The following PPP2R2D variants were observed in gnomAD, a reference collection of about 807,000 sequenced individuals.
The protein encoded by PPP2R2D is serine/threonine-protein phosphatase 2A 55 kDa regulatory subunit B delta isoform.
PPP2R2D carries 9 observed loss-of-function variants against 31.1 expected under a neutral mutation model. The observed-to-expected ratio is 0.29, with a 90% CI of 0.17 to 0.51. The LOEUF (loss-of-function observed/expected upper bound fraction) is 0.51. Ranked by LOEUF, PPP2R2D falls within the 20% of genes least tolerant of loss-of-function variation. The pLI is 0.98. For missense variants in PPP2R2D, 391 were observed against 465.6 expected (o/e 0.84, Z 1.48); for synonymous variants, 179 against 172.6 (o/e 1.04, Z -0.29).
In PPP2R2D at chr10:131,957,909, G is replaced by A. The variant is rs10870293; in HGVS notation, c.*1946G>A. The stretch of plus-strand genomic sequence containing the variant: ...GTGGAGATGGTGTGTGCTGATCCCC[G>A]TCCCCCTGTGGAGATGAAGGTGTGT... On this transcript the variant is annotated 3_prime_UTR_variant, in exon 9 of 9. Coordinates refer to ENST00000455566, the MANE Select transcript of PPP2R2D (RefSeq NM_018461.5). 27,268 of 97,050 alleles carry A rather than the reference G, an allele frequency of 0.28. 4,286 individuals carry two copies. The highest frequency in any genetic ancestry group is 0.49 in the East Asian group (1,361 of 2,804). The allele number at this position is 97,050 out of a possible 1,614,324, so 6.0% of individuals were successfully genotyped here. A position where few individuals can be genotyped will look rare whatever the true frequency, so the allele number is the denominator to read the frequency against.
chr10:131,937,341 C>T (rs999356917), intron 3 of PPP2R2D, among the ~76,000 whole-genome samples: 6 of 152,208 alleles, frequency 3.9e-5, no homozygotes, highest in Non-Finnish European at 7.4e-5. Context: ...TGTGGCTGTG[C>T]GGCCCACTGC....
At chr10:131,920,370 G>GTGTT (rs112407643) in intron 2 of PPP2R2D, among the ~76,000 whole-genome samples, 41,206 of 144,792 alleles carry the variant, frequency 0.28, 5,688 homozygotes, top group East Asian at 0.45. Context: ...GAATGACACA[G>GTGTT]TGTAGGGACC....
At chr10:131,946,523 T>C (rs2036544887) in intron 7 of PPP2R2D, among the ~76,000 whole-genome samples, 1 of 152,174 alleles carries the variant, frequency 6.6e-6, no homozygotes, top group Admixed American at 6.5e-5. Context: ...GTTGAGTGTG[T>C]TTTTAAGAAT....
In PPP2R2D at chr10:131,956,637, G is replaced by A; in HGVS notation, c.*674G>A. 1 of 895,918 alleles carries A rather than the reference G, an allele frequency of 1.1e-6. No individual in the cohort carries two copies. Among genetic ancestry groups the A allele is most frequent in the Non-Finnish European group, 1.3e-6 (1 of 748,328 alleles). The allele number at this position is 895,918 out of a possible 1,614,324, so 55.5% of individuals were successfully genotyped here. A position where few individuals can be genotyped will look rare whatever the true frequency, so the allele number is the denominator to read the frequency against. ...TTGGAACTAACTGTTTGAGAAATGTGTGTCCTTCTTTGGCAGCGTGGGGGT... is the reference window on the plus strand; with the variant it reads ...TTGGAACTAACTGTTTGAGAAATGTATGTCCTTCTTTGGCAGCGTGGGGGT... On this transcript the variant is annotated 3_prime_UTR_variant, in exon 9 of 9. Transcript: ENST00000455566.
At chr10:131,962,793 A>G (rs1554901661), downstream of PPP2R2D, among the ~76,000 whole-genome samples, 1 of 152,250 alleles carries the variant, frequency 6.6e-6, no homozygotes, top group Non-Finnish European at 1.5e-5. Flanking sequence ...CAGCCCAGCC[A>G]AGGCAGAGAG....
rs74162814 is a variant in PPP2R2D at position 131,950,240 on chromosome 10, C to T, written c.1082+2449C>T. Among the ~76,000 whole-genome samples, 1,237 of 152,220 alleles carry T rather than the reference C, an allele frequency of 8.1e-3. 16 individuals are homozygous for T. Among genetic ancestry groups the T allele is most frequent in the African/African-American group, 0.028 (1,145 of 41,518 alleles). On this transcript the variant is annotated intron_variant, in intron 8 of 8. Coordinates refer to ENST00000455566, the MANE Select transcript of PPP2R2D (RefSeq NM_018461.5). ...GGAGGCCAGGGTGAGGCACAGCACACGTTTAAACAAAGTTTGGGGGTGTGA... is the reference window on the plus strand; with the variant it reads ...GGAGGCCAGGGTGAGGCACAGCACATGTTTAAACAAAGTTTGGGGGTGTGA...
At chr10:131,962,745 A>AG (rs2036941269), downstream of PPP2R2D, among the ~76,000 whole-genome samples, 1 of 152,224 alleles carries the variant, frequency 6.6e-6, no homozygotes, top group Non-Finnish European at 1.5e-5. Flanking sequence ...GGCCAGGCCC[A>AG]GACCACGTGA....
chr10:131,927,399 C>T (rs1472533629), intron 2 of PPP2R2D, among the ~76,000 whole-genome samples: 1 of 151,294 alleles, frequency 6.6e-6, no homozygotes, highest in Non-Finnish European at 1.5e-5. Flanking sequence ...TCAGAGAGGG[C>T]GGGTGCGCGG....
At chr10:131,917,228 G>C (rs376330797) in intron 2 of PPP2R2D, among the ~76,000 whole-genome samples, 1 of 106,320 alleles carries the variant, frequency 9.4e-6, no homozygotes, top group Admixed American at 9.9e-5. Flanking sequence ...AGGGACCTCA[G>C]GCGGGTGGAA....
chr10:131,947,940 T>A lies in PPP2R2D; in HGVS notation c.1082+149T>A. 1.0e-6 allele frequency: 1 copy of A among 961,806 alleles called. No homozygotes were observed. Among genetic ancestry groups the A allele is most frequent in the Non-Finnish European group, 1.5e-6 (1 of 652,306 alleles). 59.6% of individuals were successfully genotyped at this position (961,806 alleles called of 1,614,324 possible). On this transcript the variant is annotated intron_variant, in intron 8 of 8. Transcript: ENST00000455566. This position sits in a 1 kb window ranked among gnomAD's most constrained non-coding sequence, Gnocchi z 4.3. ...AGACCTTTTGATTGATGGATGATAG[T>A]ATCAAGGTAGAGAAAATAGGATCTC...
intron 2 of PPP2R2D, among the ~76,000 whole-genome samples, chr10:131,925,469 C>A (rs1207229816): frequency 6.6e-6 from 1 of 152,174 alleles, no homozygotes; most frequent in African/African-American, 2.4e-5. Context: ...GTATGTTAAA[C>A]CAACCTTGCA....
chr10:131,965,663 C>T, the PPP2R2D span, among the ~76,000 whole-genome samples: 2 of 152,224 alleles, frequency 1.3e-5, no homozygotes, highest in Admixed American at 6.5e-5. Context: ...CCAGGCTGAT[C>T]GCGAACTCCT....
At chr10:131,910,817 A>G (rs1418261289) in intron 2 of PPP2R2D, among the ~76,000 whole-genome samples, 1 of 152,068 alleles carries the variant, frequency 6.6e-6, no homozygotes, top group Non-Finnish European at 1.5e-5. Flanking sequence ...CCGATCCCCA[A>G]CCTCGGGGAG....
At chr10:131,953,572 C>G (rs1456224664) in intron 8 of PPP2R2D, among the ~76,000 whole-genome samples, 1 of 129,642 alleles carries the variant, frequency 7.7e-6, no homozygotes, top group Non-Finnish European at 1.6e-5. Flanking sequence ...GTGTGGGGGT[C>G]ACTGTCTTAG....
intron 2 of PPP2R2D, among the ~76,000 whole-genome samples, chr10:131,908,860 G>A (rs2035640151): frequency 6.6e-6 from 1 of 152,166 alleles, no homozygotes; most frequent in Non-Finnish European, 1.5e-5. Flanking sequence ...GGTAATGCAG[G>A]GGCCAGCTTT....
intron 3 of PPP2R2D, chr10:131,939,676 A>G (rs1450756471): frequency 6.2e-6 from 1 of 161,240 alleles, no homozygotes; most frequent in Non-Finnish European, 1.3e-5. Context: ...AGCAGGCTAC[A>G]TTCGACAGGC....
rs892966328 is a variant in PPP2R2D, at chr10:131,907,862, G to A, written c.100+6532G>A. 1.2e-4 allele frequency among the ~76,000 whole-genome samples: 19 copies of A among 152,334 alleles called. 1 individual carries two copies. The highest frequency in any genetic ancestry group is 3.9e-4 in the Admixed American group (6 of 15,302). The stretch of plus-strand genomic sequence containing the variant: ...AGTTAAGTTTACAAGATATGTGGTG[G>A]TATTGAATCATACCTGGTGATTTTC... On this transcript the variant is annotated intron_variant, in intron 2 of 8. Coordinates refer to ENST00000455566, the MANE Select transcript of PPP2R2D (RefSeq NM_018461.5).
At chr10:131,968,441 C>T in the PPP2R2D span, 3 of 1,181,822 alleles carry the variant, frequency 2.5e-6, no homozygotes, top group Non-Finnish European at 2.5e-6. Context: ...GTGGCCACCC[C>T]AGGATCTAAC....
In PPP2R2D at chr10:131,947,382, C is replaced by A; in HGVS notation, c.821-148C>A. 1 of 815,880 alleles carries A rather than the reference C, an allele frequency of 1.2e-6. No individual in the cohort carries two copies. Among genetic ancestry groups the A allele is most frequent in the Non-Finnish European group, 1.9e-6 (1 of 534,822 alleles). 50.5% of individuals were successfully genotyped at this position (815,880 alleles called of 1,614,324 possible). Reference sequence around the variant, plus strand: ...CGGAAGTCACAGAAGATCAGAAAACCTAGAGAATCAGAAAGATCAGAAGAC... The same window carrying A: ...CGGAAGTCACAGAAGATCAGAAAACATAGAGAATCAGAAAGATCAGAAGAC... On this transcript the variant is annotated intron_variant, in intron 7 of 8. Coordinates refer to ENST00000455566, the MANE Select transcript of PPP2R2D (RefSeq NM_018461.5). This position sits in a 1 kb window ranked among gnomAD's most constrained non-coding sequence, Gnocchi z 4.3.
Sources: allele counts gnomAD v4.1 joint callset (sites outside exome capture counted in the v4.1 genomes callset), GRCh38; gene constraint gnomAD v4.1.1; non-coding constraint Gnocchi (gnomAD v3.1); transcripts MANE v1.5; gene names NCBI Gene and HGNC (gene_info 2026-07-23, HGNC 2026-07-21).